TCF12: variants seen among roughly 807,000 people sequenced by gnomAD.
TCF12 encodes the protein transcription factor 12.
A neutral mutation model predicts 86.0 loss-of-function variants in TCF12; 45 were observed. The ratio of observed to expected loss-of-function variants is 0.52; its 90% confidence interval spans 0.41 to 0.67. TCF12 has a LOEUF of 0.67. Among genes scored for constraint, TCF12 ranks in the 30% least tolerant of loss-of-function variants. TCF12 has a pLI of 0.00. For missense variants in TCF12, 881 were observed against 859.9 expected (o/e 1.02, Z -0.31); for synonymous variants, 330 against 299.6 (o/e 1.10, Z -1.05).
chr15:56,919,960 A>G lies in TCF12; in HGVS notation c.47A>G (p.Glu16Gly). 2.5e-6 allele frequency: 4 copies of G among 1,614,006 alleles called. No individual in the cohort carries two copies. The highest frequency in any genetic ancestry group is 4.5e-5 in the East Asian group (2 of 44,858). Residue 16 changes from glutamate (E) to glycine (G), a missense_variant, in exon 2 of 21, where the codon GAG (glutamate) becomes GGG (glycine). Transcript: ENST00000333725. ...ATGGCCGCTATAGGGACCGACAAGG[A>G]GCTGAGCGACCTACTGGACTTCAGT... ...QRMAAIGTDK[E>G]LSDLLDFSAM... is the part of the protein sequence containing the mutation.
At chr15:56,959,634 A>G (rs562690837) in intron 3 of TCF12, among the ~76,000 whole-genome samples, 47 of 152,310 alleles carry the variant, frequency 3.1e-4, no homozygotes, top group African/African-American at 1.0e-3. Flanking sequence ...GTCTAATCCA[A>G]TGTAAATTGA....
At chr15:56,990,228 CGTGTGT>C (rs746828741) in intron 3 of TCF12, among the ~76,000 whole-genome samples, 4 of 121,444 alleles carry the variant, frequency 3.3e-5, no homozygotes, top group Admixed American at 9.9e-5. Context: ...TAATCTTTAT[CGTGTGT>C]GTGTGTCTGT....
intron 19 of TCF12, chr15:57,282,138 G>C (rs149048595): frequency 5.2e-6 from 2 of 384,700 alleles, no homozygotes; most frequent in Admixed American, 8.7e-5. Context: ...GAAGAGACTT[G>C]GTAGCCTAAT....
intron 19 of TCF12, among the ~76,000 whole-genome samples, chr15:57,277,238 T>G (rs1298642801): frequency 6.6e-6 from 1 of 152,106 alleles, no homozygotes; most frequent in Non-Finnish European, 1.5e-5. Context: ...GTCAAGAGAA[T>G]CACTTAATCC....
chr15:57,086,212 G>GATGATAATA lies in TCF12; in HGVS notation c.223-5575_223-5574insGATAATAAT, dbSNP rs1555501430. On this transcript the variant is annotated intron_variant, in intron 4 of 20. Coordinates refer to ENST00000333725, the MANE Select transcript of TCF12 (RefSeq NM_207037.2). ...CATAATCTCTAACTTGGATGATGAT[G>GATGATAATA]ATAATAATAATAATAATAATAATAA... Among the ~76,000 whole-genome samples, 778 of 141,608 alleles carry GATGATAATA rather than the reference G, an allele frequency of 5.5e-3. 11 individuals are homozygous for GATGATAATA. The highest frequency in any genetic ancestry group is 0.033 in the East Asian group (164 of 4,922). The allele number at this position is 141,608 out of a possible 152,430, so 92.9% of individuals were successfully genotyped here.
At chr15:56,994,212 T>A (rs1354029594) in intron 3 of TCF12, among the ~76,000 whole-genome samples, 2 of 152,108 alleles carry the variant, frequency 1.3e-5, no homozygotes, top group Non-Finnish European at 2.9e-5. Flanking sequence ...GAAAGAATTT[T>A]AAAAAATTGA....
intron 3 of TCF12, among the ~76,000 whole-genome samples, chr15:57,051,265 T>C (rs1038718754): frequency 3.9e-5 from 6 of 152,336 alleles, no homozygotes; most frequent in Admixed American, 2.0e-4. Flanking sequence ...AAATCTGTGA[T>C]CAGTTATTTT....
intron 1 of TCF12, 45 bp from the exon 2 acceptor site, chr15:56,919,847 T>C (rs1466460625): frequency 1.7e-5 from 26 of 1,564,106 alleles, no homozygotes; most frequent in Non-Finnish European, 2.3e-5. Flanking sequence ...CTCACACACT[T>C]TGGGCCTCGG....
chr15:57,103,306 G>T (rs1361597160), intron 5 of TCF12, among the ~76,000 whole-genome samples: 1 of 152,168 alleles, frequency 6.6e-6, no homozygotes, highest in Non-Finnish European at 1.5e-5. Flanking sequence ...TCCATGTACA[G>T]TGATTAATGG....
chr15:57,007,798 C>CTTTCTTTCTTTCTTTCTT (rs2064507004), intron 3 of TCF12, among the ~76,000 whole-genome samples: 1 of 134,232 alleles, frequency 7.4e-6, no homozygotes, highest in African/African-American at 2.8e-5. Context: ...TTCTCTCTTT[C>CTTTCTTTCTTTCTTTCTT]TTTCTTTCTT....
intron 3 of TCF12, among the ~76,000 whole-genome samples, chr15:56,941,583 C>T (rs1422055875): frequency 6.6e-6 from 1 of 151,904 alleles, no homozygotes; most frequent in Non-Finnish European, 1.5e-5. Context: ...TTATGTTGGC[C>T]AGGCTGGTCT....
chr15:57,263,309 A>G, intron 18 of TCF12, 35 bp downstream of exon 18: 4 of 1,587,282 alleles, frequency 2.5e-6, no homozygotes, highest in Non-Finnish European at 3.4e-6. Context: ...AATTTTATTC[A>G]TTTTCCATAG....
intron 8 of TCF12, among the ~76,000 whole-genome samples, chr15:57,202,144 C>T (rs2057572378): frequency 6.6e-6 from 1 of 152,032 alleles, no homozygotes. Context: ...AATTAAGACT[C>T]AAAGACATAA....
intron 3 of TCF12, among the ~76,000 whole-genome samples, chr15:57,051,840 A>C (rs189288223): frequency 8.0e-4 from 122 of 152,280 alleles, no homozygotes; most frequent in Non-Finnish European, 1.4e-3. Context: ...ATCAGCATCC[A>C]ATTTCATTCT....
rs377052151 is a variant in TCF12, at chr15:57,262,112, G to T, written c.1486G>T (p.Asp496Tyr). The change falls in exon 17 of 21, where the codon GAC (aspartate) becomes TAC (tyrosine). Residue 496 changes from aspartate to tyrosine, a missense_variant. Physicochemically the swap from Asp to Tyr is radical, Grantham distance 160. Around this residue, in one of 3 missense-constraint regions of TCF12, gnomAD observed 766 missense variants for 718.9 expected, o/e 1.07. Coordinates refer to ENST00000333725, the MANE Select transcript of TCF12 (RefSeq NM_207037.2). ...SASMVGTHRE[D>Y]SVSLNGNHSV... The stretch of plus-strand genomic sequence containing the variant: ...ACTTTAGGTTGGAACTCATCGGGAA[G>T]ACTCTGTCAGTCTCAATGGCAATCA... 2 of 1,612,896 alleles carry T rather than the reference G, an allele frequency of 1.2e-6. No homozygotes were observed. Among genetic ancestry groups the T allele is most frequent in the Non-Finnish European group, 1.7e-6 (2 of 1,179,336 alleles).
In TCF12 at chr15:57,282,485, G is replaced by A. The variant is rs1305136543; in HGVS notation, c.2019G>A (p.Arg673=). The A allele has an allele frequency of 6.2e-7, 1 of 1,614,204 alleles. No homozygotes were observed. The highest frequency in any genetic ancestry group is 1.1e-5 in the South Asian group (1 of 91,084). Reference sequence around the variant, plus strand: ...CCAAAGCAGCCTGCCTTAAGAGAAGGGAAGAAGAAAAAGTTTCTGCCGTAT... The same window carrying A: ...CCAAAGCAGCCTGCCTTAAGAGAAGAGAAGAAGAAAAAGTTTCTGCCGTAT... ...LNPKAACLKR[R]EEEKVSAVSA... Residue 673 remains arginine (R), a synonymous_variant, in exon 20 of 21, where the codon AGG becomes AGA. Transcript: ENST00000333725.
chr15:57,114,962 C>T (rs182211653), intron 5 of TCF12, among the ~76,000 whole-genome samples: 171 of 150,784 alleles, frequency 1.1e-3, no homozygotes, highest in African/African-American at 4.0e-3. Context: ...AAATAGAAAA[C>T]AGTAAGCATG....
chr15:57,114,341 A>C (rs557343799), intron 5 of TCF12, among the ~76,000 whole-genome samples: 2 of 152,270 alleles, frequency 1.3e-5, no homozygotes, highest in South Asian at 4.2e-4. Context: ...TGCAGGCTGG[A>C]GTGCAGTGGC....
chr15:57,242,822 AC>A (rs1376398217), intron 12 of TCF12, among the ~76,000 whole-genome samples: 3 of 152,176 alleles, frequency 2.0e-5, no homozygotes, highest in Non-Finnish European at 4.4e-5. Context: ...TTCAAAGTAG[AC>A]CTATTAGGAT....
Sources: allele counts gnomAD v4.1 joint callset (sites outside exome capture counted in the v4.1 genomes callset), GRCh38; gene constraint gnomAD v4.1.1; regional missense constraint gnomAD v4.1.1; transcripts MANE v1.5; gene names NCBI Gene and HGNC (gene_info 2026-07-23, HGNC 2026-07-21).